The following PDS5B variants were observed in gnomAD, a reference collection of about 807,000 sequenced individuals.
PDS5B encodes the protein PDS5 cohesin associated factor B.
Under a neutral mutation model 184.1 loss-of-function variants are expected in PDS5B, and 51 were observed. The observed-to-expected ratio is 0.28, with a 90% CI of 0.22 to 0.35. PDS5B has a LOEUF of 0.35. PDS5B is among the 10% of genes least tolerant of loss of function. The pLI, the probability that PDS5B is intolerant of heterozygous loss-of-function variation, is 1.00. For missense variants in PDS5B, 1,180 were observed against 1,723.3 expected (o/e 0.68, Z 5.58); for synonymous variants, 566 against 569.2 (o/e 0.99, Z 0.08).
intron 1 of PDS5B, among the ~76,000 whole-genome samples, chr13:32,630,222 C>T (rs1383323180): frequency 2.0e-5 from 3 of 152,206 alleles, no homozygotes; most frequent in Non-Finnish European, 4.4e-5. Context: ...TTTTAGATGA[C>T]TATAGATGGT....
chr13:32,724,505 C>T (rs1198075198), intron 19 of PDS5B, among the ~76,000 whole-genome samples: 3 of 152,146 alleles, frequency 2.0e-5, no homozygotes, highest in Admixed American at 2.0e-4. Context: ...CAGGTTGTTT[C>T]TCTTGAAGAG....
chr13:32,748,736 T>G (rs1251105436), intron 24 of PDS5B, among the ~76,000 whole-genome samples: 2 of 152,064 alleles, frequency 1.3e-5, no homozygotes, highest in South Asian at 2.1e-4. Flanking sequence ...AATATAGTAG[T>G]TCACAGATCT....
At chr13:32,613,641 T>C (rs897980891) in intron 1 of PDS5B, among the ~76,000 whole-genome samples, 2 of 152,260 alleles carry the variant, frequency 1.3e-5, no homozygotes, top group African/African-American at 4.8e-5. Flanking sequence ...ACAAGTGCCT[T>C]ATCATATATA....
chr13:32,647,362 C>T (rs540769723), intron 1 of PDS5B, among the ~76,000 whole-genome samples: 1 of 152,256 alleles, frequency 6.6e-6, no homozygotes, highest in East Asian at 1.9e-4. Flanking sequence ...CCTCTACCTC[C>T]TGGGTTCAAG....
In PDS5B at chr13:32,741,159, T is replaced by A; in HGVS notation, c.2475+11T>A. ...GAGACAATGGTCAAAGTGAGTAATG[T>A]GCATAGATCTATTGATTTTAATATA... On this transcript the variant is annotated intron_variant, in intron 22 of 34. Transcript: ENST00000315596. 1 of 1,363,880 alleles carries A rather than the reference T, an allele frequency of 7.3e-7. No individual in the cohort carries two copies. The highest frequency in any genetic ancestry group is 1.0e-6 in the Non-Finnish European group (1 of 967,688). 84.5% of individuals were successfully genotyped at this position (1,363,880 alleles called of 1,614,324 possible). A position where few individuals can be genotyped will look rare whatever the true frequency, so the allele number is the denominator to read the frequency against.
chr13:32,719,685 C>G (rs73452709), intron 19 of PDS5B, among the ~76,000 whole-genome samples: 59 of 151,704 alleles, frequency 3.9e-4, no homozygotes, highest in Middle Eastern at 6.8e-3. Flanking sequence ...AGATAAAAGC[C>G]AAAATCATGA....
intron 23 of PDS5B, 51 bp from the exon 24 acceptor site, chr13:32,745,926 T>TTGTACAAAATCTTC: frequency 1.4e-6 from 2 of 1,443,342 alleles, no homozygotes; most frequent in Middle Eastern, 1.8e-4. Flanking sequence ...ACAGAAGATT[T>TTGTACAAAATCTTC]TGTACAAATA....
intron 24 of PDS5B, among the ~76,000 whole-genome samples, chr13:32,747,627 C>G (rs1953802690): frequency 1.3e-5 from 2 of 151,672 alleles, no homozygotes; most frequent in Admixed American, 1.3e-4. Flanking sequence ...CCCATAACTT[C>G]CTTGGTATAG....
chr13:32,607,923 G>A (rs1052222149), intron 1 of PDS5B, among the ~76,000 whole-genome samples: 1 of 152,218 alleles, frequency 6.6e-6, no homozygotes, highest in Admixed American at 6.5e-5. Context: ...CACAGTAGCA[G>A]GGTGGGAGCG....
rs1253601972 is a variant in PDS5B, at chr13:32,775,661, TAGG to T, written c.*614_*616del. 4.4e-6 allele frequency: 2 copies of T among 456,152 alleles called. No individual in the cohort carries two copies. The highest frequency in any genetic ancestry group is 4.0e-5 in the African/African-American group (2 of 50,056). The allele number at this position is 456,152 out of a possible 1,614,324, so 28.3% of individuals were successfully genotyped here. A position where few individuals can be genotyped will look rare whatever the true frequency, so the allele number is the denominator to read the frequency against. The stretch of plus-strand genomic sequence containing the variant: ...CATTACACCAGAAGGATGCCTCTGA[TAGG>T]AGGACAACCATGCAAATTGTGAAAT... On this transcript the variant is annotated 3_prime_UTR_variant, in exon 35 of 35. Transcript: ENST00000315596.
In PDS5B at chr13:32,710,076, A is replaced by G. The variant is rs1452557557; in HGVS notation, c.2093A>G (p.Lys698Arg). Residue 698 changes from lysine to arginine, a missense_variant, in exon 19 of 35, where the codon AAA becomes AGA. Transcript: ENST00000315596. ...ALQIFKNTGS[K>R]IEEDFPHIRS... Reference sequence around the variant, plus strand: ...CAAATTTTCAAAAACACAGGAAGCAAAATTGAAGAGGATTTTCCACACATC... The same window carrying G: ...CAAATTTTCAAAAACACAGGAAGCAGAATTGAAGAGGATTTTCCACACATC... 3.9e-6 allele frequency: 6 copies of G among 1,533,182 alleles called. No individual in the cohort carries two copies. The highest frequency in any genetic ancestry group is 3.5e-6 in the Non-Finnish European group (4 of 1,128,248). 95.0% of individuals were successfully genotyped at this position (1,533,182 alleles called of 1,614,324 possible).
At chr13:32,641,921 G>A (rs1950104381) in intron 1 of PDS5B, among the ~76,000 whole-genome samples, 1 of 151,984 alleles carries the variant, frequency 6.6e-6, no homozygotes, top group South Asian at 2.1e-4. Context: ...ATTACAACGA[G>A]GGCAGAGCTC....
In PDS5B at chr13:32,776,906, A is replaced by G. The variant is rs1230360869; in HGVS notation, c.*1854A>G. The G allele has an allele frequency of 3.9e-5, 6 of 152,496 alleles. No homozygotes were observed. Among genetic ancestry groups the G allele is most frequent in the Non-Finnish European group, 5.9e-5 (4 of 67,908 alleles). 9.4% of individuals were successfully genotyped at this position (152,496 alleles called of 1,614,324 possible). The stretch of plus-strand genomic sequence containing the variant: ...CTATTCTTCATTTACAACAATAGTG[A>G]CACCAGTAATTATGAGAGGCTGTCA... On this transcript the variant is annotated 3_prime_UTR_variant, in exon 35 of 35. Transcript: ENST00000315596.
intron 24 of PDS5B, among the ~76,000 whole-genome samples, chr13:32,747,857 C>G (rs1953814513): frequency 6.6e-6 from 1 of 152,132 alleles, no homozygotes; most frequent in Non-Finnish European, 1.5e-5. Context: ...TATGCAAATA[C>G]AAGAAATGGA....
intron 8 of PDS5B, among the ~76,000 whole-genome samples, chr13:32,673,602 A>G (rs1219241467): frequency 6.6e-6 from 1 of 152,202 alleles, no homozygotes; most frequent in Admixed American, 6.5e-5. Context: ...CATTTTCCAG[A>G]TAAATTCTAG....
At chr13:32,597,443 A>G (rs2057894779) in intron 1 of PDS5B, among the ~76,000 whole-genome samples, 1 of 152,012 alleles carries the variant, frequency 6.6e-6, no homozygotes, top group African/African-American at 2.4e-5. Context: ...ATGGTCCTGT[A>G]GTCCCAACTA....
At chr13:32,667,336 T>G (rs1451453900) in intron 6 of PDS5B, among the ~76,000 whole-genome samples, 1 of 152,176 alleles carries the variant, frequency 6.6e-6, no homozygotes, top group Non-Finnish European at 1.5e-5. Flanking sequence ...TGCCCAAAAC[T>G]CCTTTGTCCC....
Position 32,751,513 on chromosome 13 carries a change from C to G in PDS5B, c.2737-1819C>G, listed in dbSNP as rs187082380. Among the ~76,000 whole-genome samples the G allele has an allele frequency of 4.0e-3, 609 of 152,300 alleles. 2 individuals carry two copies. The highest frequency in any genetic ancestry group is 5.6e-3 in the Non-Finnish European group (380 of 68,020). ...TGCTCCCCTTTCTCCACAGTCTCAC[C>G]AGCATCTATTATTTTTTGGCTTTCT... On this transcript the variant is annotated intron_variant, in intron 24 of 34. Transcript: ENST00000315596.
intron 1 of PDS5B, 72 bp from the exon 2 acceptor site, chr13:32,648,682 G>T: frequency 1.5e-6 from 1 of 670,264 alleles, no homozygotes. Flanking sequence ...GGTGGGGAAG[G>T]TTACCATTTA....
Sources: gnomAD v4.1 joint callset for allele counts (sites outside exome capture counted in the v4.1 genomes callset) on GRCh38, gnomAD v4.1.1 for gene constraint, MANE v1.5 for transcripts, NCBI Gene and HGNC (gene_info 2026-07-23, HGNC 2026-07-21) for gene names.